ABCA7: variants seen among roughly 807,000 people sequenced by gnomAD.
The protein encoded by ABCA7 is phospholipid-transporting ATPase ABCA7.
A neutral mutation model predicts 227.6 loss-of-function variants in ABCA7; 261 were observed. The observed-to-expected ratio is 1.15, with a 90% CI of 1.04 to 1.27. The LOEUF is 1.27. ABCA7 is among the 50% of genes most tolerant of loss of function. The probability of loss-of-function intolerance (pLI) is 0.00; values close to 1 mark genes in which losing one functional copy is unlikely to be tolerated. For synonymous variants in ABCA7, 1,488 were observed against 1,279.7 expected (o/e 1.16, Z -3.47); for missense variants, 3,331 against 2,924.5 (o/e 1.14, Z -3.21).
chr19:1,041,330 C>G lies in ABCA7; in HGVS notation c.-32C>G, dbSNP rs1363066955. ...GTCTTCAGCCCGACCGTTGTCCTGACCTCTCTGTCCCGTCCCCTGCCCAGT... is the reference window on the plus strand; with the variant it reads ...GTCTTCAGCCCGACCGTTGTCCTGAGCTCTCTGTCCCGTCCCCTGCCCAGT... On this transcript the variant is annotated 5_prime_UTR_variant, in exon 2 of 47. Coordinates refer to ENST00000263094, the MANE Select transcript of ABCA7 (RefSeq NM_019112.4). 7 of 1,612,332 alleles carry G rather than the reference C, an allele frequency of 4.3e-6. No individual in the cohort carries two copies. Among genetic ancestry groups the G allele is most frequent in the Non-Finnish European group, 5.9e-6 (7 of 1,178,712 alleles).
At chr19:1,058,342 C>G in intron 37 of ABCA7, 73 bp downstream of exon 37, 2 of 1,572,362 alleles carry the variant, frequency 1.3e-6, no homozygotes, top group Admixed American at 3.7e-5. Flanking sequence ...GTTAATTATA[C>G]AGAGTGGAGA....
At chr19:1,049,468 C>CA (rs2041173030) in intron 18 of ABCA7, 31 bp downstream of exon 18, 2 of 914,910 alleles carry the variant, frequency 2.2e-6, no homozygotes, top group African/African-American at 7.6e-5. Context: ...TCCCCGTGAG[C>CA]CCCCCCACTC....
rs1193199566 is a variant in ABCA7, at chr19:1,044,633, C to A, written c.1104C>A (p.Asp368Glu). Residue 368 changes from aspartate (D) to glutamate (E), a missense_variant, in exon 11 of 47, where the codon GAC becomes GAA. Physicochemically the swap from Asp to Glu is conservative, Grantham distance 45. Transcript: ENST00000263094. ...GGCAGCCCAGACCTGGAGGCCGGGACCACATGGAGGCCCTGCGATCCTTTC... is the reference window on the plus strand; with the variant it reads ...GGCAGCCCAGACCTGGAGGCCGGGAACACATGGAGGCCCTGCGATCCTTTC... Reference protein sequence around the residue: ...GRRQPRPGGRDHMEALRSFLD... With the variant: ...GRRQPRPGGREHMEALRSFLD... The A allele has an allele frequency of 6.2e-7, 1 of 1,613,254 alleles. No individual in the cohort carries two copies. The highest frequency in any genetic ancestry group is 8.5e-7 in the Non-Finnish European group (1 of 1,179,970).
chr19:1,050,766 T>C (rs1313337991), intron 18 of ABCA7, among the ~76,000 whole-genome samples, 155 bp from the exon 19 acceptor site: 8 of 145,910 alleles, frequency 5.5e-5, no homozygotes, highest in African/African-American at 2.0e-4. Context: ...GGCAACAGAG[T>C]GAAACTCCGT....
rs754910332 is a variant in ABCA7, at chr19:1,055,124, A to G, written c.3978A>G (p.Glu1326=). 3 of 1,612,546 alleles carry G rather than the reference A, an allele frequency of 1.9e-6. No individual in the cohort carries two copies. The highest frequency in any genetic ancestry group is 2.5e-6 in the Non-Finnish European group (3 of 1,179,652). The change falls in exon 30 of 47, where the codon GAA becomes GAG. Residue 1326 remains glutamate, a synonymous_variant. Coordinates refer to ENST00000263094, the MANE Select transcript of ABCA7 (RefSeq NM_019112.4). ...HRFSAPEVPA[E]VAKVLASGNW... ...TCTCGGCACCAGAAGTTCCTGCTGAAGTGGCCAAGGTCTTGGCCAGTGGCA... is the reference window on the plus strand; with the variant it reads ...TCTCGGCACCAGAAGTTCCTGCTGAGGTGGCCAAGGTCTTGGCCAGTGGCA...
chr19:1,063,791 C>G lies in ABCA7; in HGVS notation c.5879C>G (p.Ala1960Gly). The G allele has an allele frequency of 1.3e-6, 2 of 1,546,756 alleles. No individual in the cohort carries two copies. Among genetic ancestry groups the G allele is most frequent in the East Asian group, 2.4e-5 (1 of 41,016 alleles). The change falls in exon 44 of 47, where the codon GCG becomes GGG. Residue 1960 changes from alanine (A) to glycine (G), a missense_variant. Physicochemically the swap from Ala to Gly is moderately conservative, Grantham distance 60. Transcript: ENST00000263094. ...CCGACCACAGGCATGGACCCCAGCG[C>G]GCGGCGCTTCCTTTGGAACAGCCTT... ...DEPTTGMDPS[A>G]RRFLWNSLLA...
chr19:1,043,293 T>G, intron 8 of ABCA7, 41 bp from the exon 9 acceptor site: 1 of 1,611,834 alleles, frequency 6.2e-7, no homozygotes, highest in Non-Finnish European at 8.5e-7. Context: ...GAAGTGGAAC[T>G]CTGGGCAGGG....
At chr19:1,045,861 G>T (rs1476734587) in intron 12 of ABCA7, among the ~76,000 whole-genome samples, 1 of 152,136 alleles carries the variant, frequency 6.6e-6, no homozygotes, top group Non-Finnish European at 1.5e-5. Flanking sequence ...CAAAAAATTA[G>T]CCGGGCGTGG....
intron 42 of ABCA7, among the ~76,000 whole-genome samples, chr19:1,062,970 G>T (rs1462506178): frequency 1.9e-5 from 2 of 102,594 alleles, no homozygotes; most frequent in Admixed American, 1.0e-4. Context: ...ACTCATGCTG[G>T]CTCCACCCAC....
Position 1,058,166 on chromosome 19 carries a change from G to T in ABCA7, c.5046G>T (p.Arg1682=), listed in dbSNP as rs1426799172. The T allele has an allele frequency of 6.2e-7, 1 of 1,613,724 alleles. No homozygotes were observed. The highest frequency in any genetic ancestry group is 1.7e-5 in the Admixed American group (1 of 59,952). The change falls in exon 37 of 47, where the codon CGG becomes CGT. Residue 1682 remains arginine (R), a synonymous_variant. Transcript: ENST00000263094. ...AGCAGAAGCTGCAGGAGGTGAGCCGGATCTTGAAACAGGTCTTCCTTATCT... is the reference window on the plus strand; with the variant it reads ...AGCAGAAGCTGCAGGAGGTGAGCCGTATCTTGAAACAGGTCTTCCTTATCT... The part of the protein sequence containing the change: ...FSDQKLQEVS[R]ILKQVFLIFP...
In ABCA7 at chr19:1,054,284, C is replaced by A. The variant is rs921757322; in HGVS notation, c.3669C>A (p.Ala1223=). 6.2e-7 allele frequency: 1 copy of A among 1,607,692 alleles called. No individual in the cohort carries two copies. Among genetic ancestry groups the A allele is most frequent in the African/African-American group, 1.3e-5 (1 of 74,844 alleles). ...GWALTRQQLQ[A]LLLKRFLLAR... is the part of the protein sequence containing the mutation. ...CACTGACCCGCCAGCAGCTCCAGGC[C>A]CTGCTTCTCAAGCGCTTTCTGCTTG... The change falls in exon 27 of 47, where the codon GCC becomes GCA. Residue 1223 remains alanine (A), a synonymous_variant. Transcript: ENST00000263094. The surrounding 1 kb of genome is among the most constrained non-coding windows in gnomAD (Gnocchi z 4.8).
In ABCA7 at chr19:1,059,080, G is replaced by A. The variant is rs143614132; in HGVS notation, c.5458G>A (p.Gly1820Ser). The change falls in exon 40 of 47, where the codon GGT becomes AGT. Residue 1820 changes from glycine (G) to serine (S), a missense_variant. By Grantham distance (56) the Gly-to-Ser change is moderately conservative. Coordinates refer to ENST00000263094, the MANE Select transcript of ABCA7 (RefSeq NM_019112.4). ...CCGCTTGTGCCTGGGGATTCCCCCTGGTGAGGTGAGTCCAGGGGTGGAGGC... is the reference window on the plus strand; with the variant it reads ...CCGCTTGTGCCTGGGGATTCCCCCTAGTGAGGTGAGTCCAGGGGTGGAGGC... ...VDRLCLGIPP[G>S]ECFGLLGVNG... 3.6e-4 allele frequency: 587 copies of A among 1,612,910 alleles called. 2 individuals are homozygous for A. The highest frequency in any genetic ancestry group is 8.7e-4 in the Admixed American group (52 of 59,948).
Position 1,059,097 on chromosome 19 carries a change from G to A in ABCA7, c.5463+12G>A, listed in dbSNP as rs199530578. 154 of 1,611,310 alleles carry A rather than the reference G, an allele frequency of 9.6e-5. 2 individuals carry two copies. The East Asian group carries it at 3.4e-3, about 35-fold the overall frequency. ...TTCCCCCTGGTGAGGTGAGTCCAGGGGTGGAGGCCAGGTGCAGGGACAGTG... is the reference window on the plus strand; with the variant it reads ...TTCCCCCTGGTGAGGTGAGTCCAGGAGTGGAGGCCAGGTGCAGGGACAGTG... On this transcript the variant is annotated intron_variant, in intron 40 of 46. Transcript: ENST00000263094.
rs1380948831 is a variant in ABCA7, at chr19:1,043,059, C to G, written c.598C>G (p.Leu200Val). The G allele has an allele frequency of 6.2e-7, 1 of 1,607,672 alleles. No individual in the cohort carries two copies. The highest frequency in any genetic ancestry group is 1.1e-5 in the South Asian group (1 of 90,896). Reference sequence around the variant, plus strand: ...TCTCTAGCTCCTGGCGCTGCGCAGCCTGGTGGAGCTTCGGGCACTGCTGCA... The same window carrying G: ...TCTCTAGCTCCTGGCGCTGCGCAGCGTGGTGGAGCTTCGGGCACTGCTGCA... Reference protein sequence around the residue: ...LAQELLALRSLVELRALLQRP... With the variant: ...LAQELLALRSVVELRALLQRP... Residue 200 changes from leucine (L) to valine (V), a missense_variant, in exon 8 of 47, where the codon CTG (leucine) becomes GTG (valine). By Grantham distance (32) the Leu-to-Val change is conservative. Transcript: ENST00000263094.
chr19:1,049,133 G>A (rs1767473577), intron 17 of ABCA7, 128 bp downstream of exon 17: 1 of 1,123,110 alleles, frequency 8.9e-7, no homozygotes, highest in Non-Finnish European at 1.3e-6. Context: ...TGAAGACACT[G>A]CGGTCCCCAA....
intron 45 of ABCA7, among the ~76,000 whole-genome samples, 175 bp downstream of exon 45, chr19:1,064,428 G>A (rs1193262896): frequency 6.6e-6 from 1 of 152,112 alleles, no homozygotes; most frequent in Non-Finnish European, 1.5e-5. Context: ...GCTGGGGTGT[G>A]CTGGGGGCGC....
At position 1,041,501 on chromosome 19, in the gene ABCA7, C is replaced by G; in HGVS notation, c.67-9C>G. 1 of 1,613,864 alleles carries G rather than the reference C, an allele frequency of 6.2e-7. No homozygotes were observed. Among genetic ancestry groups the G allele is most frequent in the South Asian group, 1.1e-5 (1 of 91,086 alleles). ...TGTCCCCCACCGTCTCCCACCTATT[C>G]TCCCCCAGGTCCAGCTCCTGGTCGA... On this transcript the variant is annotated splice_polypyrimidine_tract_variant and intron_variant, in intron 2 of 46. Coordinates refer to ENST00000263094, the MANE Select transcript of ABCA7 (RefSeq NM_019112.4).
chr19:1,050,763 G>C (rs2041511916), intron 18 of ABCA7, among the ~76,000 whole-genome samples, 158 bp from the exon 19 acceptor site: 1 of 148,788 alleles, frequency 6.7e-6, no homozygotes, highest in African/African-American at 2.5e-5. Context: ...CTGGGCAACA[G>C]AGTGAAACTC....
rs770418678 is a variant in ABCA7, at chr19:1,051,569, T to C, written c.2945T>C (p.Leu982Pro). ...PASRRGIWELLLKYREGRTLI... is the reference protein window; with the variant it reads ...PASRRGIWELPLKYREGRTLI... ...TCCCGCCGCGGTATTTGGGAGCTGC[T>C]GCTCAAATACCGAGAAGGTAAGAGC... Residue 982 changes from leucine to proline, a missense_variant, in exon 21 of 47, where the codon CTG (leucine) becomes CCG (proline). Coordinates refer to ENST00000263094, the MANE Select transcript of ABCA7 (RefSeq NM_019112.4). The C allele has an allele frequency of 6.2e-7, 1 of 1,612,246 alleles. No individual in the cohort carries two copies. The highest frequency in any genetic ancestry group is 1.3e-5 in the African/African-American group (1 of 75,044).
Sources: allele counts gnomAD v4.1 joint callset (sites outside exome capture counted in the v4.1 genomes callset), GRCh38; gene constraint gnomAD v4.1.1; non-coding constraint Gnocchi (gnomAD v3.1); transcripts MANE v1.5; gene names NCBI Gene and HGNC (gene_info 2026-07-23, HGNC 2026-07-21).